Variants in CEPT1 observed in about 807,000 individuals in gnomAD.
The protein encoded by CEPT1 is choline/ethanolamine phosphotransferase 1, also known as choline/ethanolaminephosphotransferase 1.
In CEPT1, 7 loss-of-function variants were observed where a neutral mutation model predicts 42.6. The ratio of observed to expected loss-of-function variants is 0.16; its 90% CI spans 0.09 to 0.31. CEPT1 has a LOEUF of 0.31. Among genes scored for constraint, CEPT1 ranks in the 10% least tolerant of loss-of-function variants. CEPT1 has a pLI of 1.00. For missense variants in CEPT1, 306 were observed against 502.1 expected, an observed-to-expected ratio of 0.61 and a Z score of 3.73; for synonymous variants, 171 against 171.9, an observed-to-expected ratio of 0.99 and a Z score of 0.04.
At chr1:111,163,050 C>CT (rs1655950617) in intron 4 of CEPT1, among the ~76,000 whole-genome samples, 1 of 151,450 alleles carries the variant, frequency 6.6e-6, no homozygotes, top group Non-Finnish European at 1.5e-5. Context: ...AGAACAATAG[C>CT]TAAAGATATA....
chr1:111,167,684 T>A, intron 4 of CEPT1: 1 of 982,822 alleles, frequency 1.0e-6, no homozygotes, highest in Non-Finnish European at 1.2e-6. Flanking sequence ...GCAGTCTTGG[T>A]GTTGTATAAT....
intron 5 of CEPT1, chr1:111,179,556 C>T (rs1472559258): frequency 6.6e-6 from 1 of 152,156 alleles, no homozygotes; most frequent in East Asian, 1.9e-4. Context: ...GTGCCACCCT[C>T]CTTGATCTTA....
Position 111,182,841 on chromosome 1 carries a change from A to C in CEPT1, c.889A>C (p.Ile297Leu). 6.2e-7 allele frequency: 1 copy of C among 1,613,590 alleles called. No homozygotes were observed. The highest frequency in any genetic ancestry group is 2.2e-5 in the East Asian group (1 of 44,852). The change falls in exon 7 of 9, where the codon ATT (isoleucine) becomes CTT (leucine). Residue 297 changes from isoleucine (I) to leucine (L), a missense_variant. Coordinates refer to ENST00000357172, the MANE Select transcript of CEPT1 (RefSeq NM_006090.5). ...TCCTTTTCTCCATATTGGATCAGTG[A>C]TTACATTAGCTGCAATGATCTACAA... ...LSPFLHIGSV[I>L]TLAAMIYKKS... is the part of the protein sequence containing the mutation.
chr1:111,178,312 TC>T (rs1656791509), intron 5 of CEPT1: 1 of 152,186 alleles, frequency 6.6e-6, no homozygotes, highest in Non-Finnish European at 1.5e-5. Flanking sequence ...GCAGATGTCT[TC>T]ATAAGGCTGA....
Position 111,161,208 on chromosome 1 carries a change from T to G in CEPT1, c.541T>G (p.Trp181Gly). The G allele has an allele frequency of 6.2e-7, 1 of 1,614,100 alleles. No individual in the cohort carries two copies. The highest frequency in any genetic ancestry group is 1.1e-5 in the South Asian group (1 of 91,086). ...IAVQLGTNPD[W>G]MFFCCFAGTF... ...AGTGCAGCTGGGGACAAACCCTGAT[T>G]GGATGTTTTTTTGTTGTTTTGCGGG... is the stretch of plus-strand genomic sequence containing the variant. The change falls in exon 4 of 9, where the codon TGG (tryptophan) becomes GGG (glycine). Residue 181 changes from tryptophan (W) to glycine (G), a missense_variant. Physicochemically the swap from Trp to Gly is radical, Grantham distance 184. Coordinates refer to ENST00000357172, the MANE Select transcript of CEPT1 (RefSeq NM_006090.5).
chr1:111,140,425 C>T (rs950229548), intron 1 of CEPT1, 118 bp downstream of exon 1: 18 of 152,324 alleles, frequency 1.2e-4, no homozygotes, highest in African/African-American at 3.6e-4. Flanking sequence ...TGTATGGACT[C>T]GCGCGAGGCG....
chr1:111,157,341 T>A (rs1201618902), intron 2 of CEPT1, among the ~76,000 whole-genome samples: 1 of 152,172 alleles, frequency 6.6e-6, no homozygotes. Context: ...AAAGCAGAGG[T>A]ATTCAGCAGA....
intron 2 of CEPT1, among the ~76,000 whole-genome samples, chr1:111,156,113 T>C (rs1220255693): frequency 6.6e-6 from 1 of 152,222 alleles, no homozygotes. Context: ...TCTGTTTTTA[T>C]ATTTTTCAAA....
chr1:111,149,547 A>G (rs1156587910), intron 2 of CEPT1, among the ~76,000 whole-genome samples: 1 of 152,168 alleles, frequency 6.6e-6, no homozygotes, highest in African/African-American at 2.4e-5. Flanking sequence ...ACAGTGAGCA[A>G]CTGCGCCCAG....
At chr1:111,181,123 C>T (rs1037702566) in intron 5 of CEPT1, 4 of 152,062 alleles carry the variant, frequency 2.6e-5, no homozygotes, top group African/African-American at 9.7e-5. Flanking sequence ...AGGATCACAC[C>T]GCTGTACTCC....
At chr1:111,178,632 AAAG>A (rs1165273155) in intron 5 of CEPT1, 1 of 152,176 alleles carries the variant, frequency 6.6e-6, no homozygotes, top group African/African-American at 2.4e-5. Flanking sequence ...TAAAAAAAAC[AAAG>A]AAGAATATAT....
chr1:111,184,363 A>T lies in CEPT1; in HGVS notation c.*53A>T. 6.9e-7 allele frequency: 1 copy of T among 1,443,194 alleles called. No homozygotes were observed. Among genetic ancestry groups the T allele is most frequent in the Non-Finnish European group, 9.6e-7 (1 of 1,041,978 alleles). 89.4% of individuals were successfully genotyped at this position (1,443,194 alleles called of 1,614,324 possible). Reference sequence around the variant, plus strand: ...TGTTTTCTGCAGGAAAGAAAGTAACATATTAAGGAGAATGGGGGTGGATAA... The same window carrying T: ...TGTTTTCTGCAGGAAAGAAAGTAACTTATTAAGGAGAATGGGGGTGGATAA... On this transcript the variant is annotated 3_prime_UTR_variant, in exon 9 of 9. Transcript: ENST00000357172.
At chr1:111,169,979 G>A (rs1264332353) in intron 4 of CEPT1, among the ~76,000 whole-genome samples, 1 of 152,116 alleles carries the variant, frequency 6.6e-6, no homozygotes, top group Non-Finnish European at 1.5e-5. Context: ...TCCTAGGGTG[G>A]TTGTCGTGAT....
At position 111,182,848 on chromosome 1, in the gene CEPT1, T is replaced by C. The variant is rs1255003305; in HGVS notation, c.896T>C (p.Leu299Ser). ...CTCCATATTGGATCAGTGATTACATTAGCTGCAATGATCTACAAGAAATCT... is the reference window on the plus strand; with the variant it reads ...CTCCATATTGGATCAGTGATTACATCAGCTGCAATGATCTACAAGAAATCT... The part of the protein sequence containing the change: ...PFLHIGSVIT[L>S]AAMIYKKSAV... The change falls in exon 7 of 9, where the codon TTA (leucine) becomes TCA (serine). Residue 299 changes from leucine (L) to serine (S), a missense_variant. Leu to Ser is a moderately radical substitution (Grantham distance 145). Transcript: ENST00000357172. The C allele has an allele frequency of 2.5e-6, 4 of 1,613,448 alleles. No individual in the cohort carries two copies. Among genetic ancestry groups the C allele is most frequent in the Non-Finnish European group, 3.4e-6 (4 of 1,179,510 alleles).
rs1209811365 is a variant in CEPT1 at position 111,140,724 on chromosome 1, C to G, written c.-74+417C>G. Reference sequence around the variant, plus strand: ...CCACACCCTCCTGCCCGAATGCTGGCAAGTCCACACACCGTGTGGCATCCT... The same window carrying G: ...CCACACCCTCCTGCCCGAATGCTGGGAAGTCCACACACCGTGTGGCATCCT... On this transcript the variant is annotated intron_variant, in intron 1 of 8. Transcript: ENST00000357172. The G allele has an allele frequency of 3.3e-5, 5 of 152,438 alleles. No individual in the cohort carries two copies. In the East Asian group the frequency reaches 7.7e-4, roughly 24 times the overall value. 9.4% of individuals were successfully genotyped at this position (152,438 alleles called of 1,614,324 possible).
intron 2 of CEPT1, among the ~76,000 whole-genome samples, chr1:111,155,728 G>C (rs970803768): frequency 1.3e-5 from 2 of 151,994 alleles, no homozygotes; most frequent in African/African-American, 2.4e-5. Context: ...AGTAGAGATG[G>C]GGTTTCATCA....
At chr1:111,179,318 T>C (rs1557941694) in intron 5 of CEPT1, 1 of 152,224 alleles carries the variant, frequency 6.6e-6, no homozygotes, top group Non-Finnish European at 1.5e-5. Context: ...CACCTGGCTG[T>C]AGGACAGACA....
At chr1:111,145,328 G>A (rs932848745) in intron 1 of CEPT1, among the ~76,000 whole-genome samples, 8 of 152,104 alleles carry the variant, frequency 5.3e-5, no homozygotes, top group Non-Finnish European at 1.2e-4. Context: ...TTTATTTCAG[G>A]GCATCTCAGT....
At chr1:111,149,870 AT>A (rs1164845835) in intron 2 of CEPT1, among the ~76,000 whole-genome samples, 1 of 152,220 alleles carries the variant, frequency 6.6e-6, no homozygotes, top group African/African-American at 2.4e-5. Context: ...ACTAATAGTC[AT>A]TTATGGAACA....
Sources: allele counts gnomAD v4.1 joint callset (sites outside exome capture counted in the v4.1 genomes callset), GRCh38; gene constraint gnomAD v4.1.1; transcripts MANE v1.5; gene names NCBI Gene and HGNC (gene_info 2026-07-23, HGNC 2026-07-21).